Variants in KLHDC10 observed in about 807,000 individuals in gnomAD.
The protein encoded by KLHDC10 is kelch domain-containing protein 10.
A neutral mutation model predicts 56.1 loss-of-function variants in KLHDC10; 24 were observed. That is an observed-to-expected ratio of 0.43 (90% CI 0.31 to 0.60). The LOEUF is 0.60. Among genes scored for constraint, KLHDC10 ranks in the 20% least tolerant of loss-of-function variants. The pLI, the probability that KLHDC10 is intolerant of heterozygous loss-of-function variation, is 0.11. For synonymous variants in KLHDC10, 188 were observed against 207.1 expected, an observed-to-expected ratio of 0.91 and a Z score of 0.79; for missense variants, 349 against 567.0, an observed-to-expected ratio of 0.62 and a Z score of 3.91.
At position 130,130,353 on chromosome 7, in the gene KLHDC10, T is replaced by TATAG. The variant is rs916111517; in HGVS notation, c.1120-183_1120-182insTAGA. Reference sequence around the variant, plus strand: ...AAAAAAAATCATATATATATATATATAGTTTTTCCCTTAGTAATTCATTAA... The same window carrying TATAG: ...AAAAAAAATCATATATATATATATATATAGAGTTTTTCCCTTAGTAATTCATTAA... On this transcript the variant is annotated intron_variant, in intron 9 of 9. Transcript: ENST00000335420. The surrounding 1 kb of genome is among the most constrained non-coding windows in gnomAD (Gnocchi z 4.2). 4.0e-5 allele frequency among the ~76,000 whole-genome samples: 6 copies of TATAG among 150,044 alleles called. No individual in the cohort carries two copies. Among genetic ancestry groups the TATAG allele is most frequent in the African/African-American group, 1.2e-4 (5 of 40,672 alleles).
intron 2 of KLHDC10, among the ~76,000 whole-genome samples, chr7:130,098,784 C>T (rs1488511140): frequency 3.3e-5 from 5 of 151,814 alleles, no homozygotes; most frequent in African/African-American, 9.7e-5. Flanking sequence ...ACATAAAAAA[C>T]AAATAGTGAC....
At chr7:130,094,307 C>T (rs959585647) in intron 1 of KLHDC10, among the ~76,000 whole-genome samples, 13 of 152,198 alleles carry the variant, frequency 8.5e-5, no homozygotes, top group East Asian at 5.8e-4. Context: ...AATCATATAT[C>T]GTAGAATTTA....
At chr7:130,070,929 G>T in intron 1 of KLHDC10, 120 bp downstream of exon 1, 1 of 609,948 alleles carries the variant, frequency 1.6e-6, no homozygotes, top group East Asian at 3.3e-5. Flanking sequence ...GCATAGCAGA[G>T]GGACTGGGGA....
intron 1 of KLHDC10, among the ~76,000 whole-genome samples, chr7:130,071,974 A>G (rs1407794638): frequency 6.6e-6 from 1 of 152,198 alleles, no homozygotes; most frequent in Non-Finnish European, 1.5e-5. Flanking sequence ...AGAAATGTAC[A>G]TTACCCCATT....
At chr7:130,109,368 A>G (rs1429548007) in intron 2 of KLHDC10, among the ~76,000 whole-genome samples, 1 of 151,896 alleles carries the variant, frequency 6.6e-6, no homozygotes, top group Admixed American at 6.6e-5. Context: ...GACTACAGGA[A>G]TGTGCCACCA....
Position 130,120,004 on chromosome 7 carries a change from A to G in KLHDC10, c.476-745A>G, listed in dbSNP as rs1427576855. ...ACAAAAGAGCTACAGGAGGAAGAAC[A>G]CCAAAGTTACCTGCAGGATATTGGT... On this transcript the variant is annotated intron_variant, in intron 3 of 9. Transcript: ENST00000335420. The surrounding 1 kb of genome is among the most constrained non-coding windows in gnomAD (Gnocchi z 5.1). Among the ~76,000 whole-genome samples, 1 of 152,184 alleles carries G rather than the reference A, an allele frequency of 6.6e-6. No homozygotes were observed. Among genetic ancestry groups the G allele is most frequent in the African/African-American group, 2.4e-5 (1 of 41,440 alleles).
intron 1 of KLHDC10, among the ~76,000 whole-genome samples, chr7:130,079,840 C>T (rs1271226973): frequency 3.1e-5 from 4 of 129,732 alleles, no homozygotes; most frequent in African/African-American, 6.0e-5. Context: ...CTCCCTTTCT[C>T]GCTTCCTCCT....
Position 130,130,436 on chromosome 7 carries a change from C to A in KLHDC10, c.1120-101C>A. 1 of 884,922 alleles carries A rather than the reference C, an allele frequency of 1.1e-6. No individual in the cohort carries two copies. The highest frequency in any genetic ancestry group is 1.9e-6 in the Non-Finnish European group (1 of 539,502). The allele number at this position is 884,922 out of a possible 1,614,324, so 54.8% of individuals were successfully genotyped here. ...TGGGATCAGTGAGGAATTCTTGTTT[C>A]ATTTCATTTTGATTCCATCTACTAT... On this transcript the variant is annotated intron_variant, in intron 9 of 9. Coordinates refer to ENST00000335420, the MANE Select transcript of KLHDC10 (RefSeq NM_014997.4). The surrounding 1 kb of genome is among the most constrained non-coding windows in gnomAD (Gnocchi z 4.2).
rs575963957 is a variant in KLHDC10 at position 130,108,430 on chromosome 7, C to T, written c.254-8015C>T. Among the ~76,000 whole-genome samples the T allele has an allele frequency of 4.0e-5, 6 of 151,568 alleles. No homozygotes were observed. In the South Asian group the frequency reaches 8.4e-4, roughly 21 times the overall value. The stretch of plus-strand genomic sequence containing the variant: ...AATTCTCCTGTATCCTGGCCGGGCA[C>T]GGTGGCTCACGCCTGTAATCCCAGC... On this transcript the variant is annotated intron_variant, in intron 2 of 9. Coordinates refer to ENST00000335420, the MANE Select transcript of KLHDC10 (RefSeq NM_014997.4).
intron 2 of KLHDC10, among the ~76,000 whole-genome samples, chr7:130,115,978 G>A (rs973270027): frequency 2.6e-5 from 4 of 151,902 alleles, no homozygotes; most frequent in Non-Finnish European, 4.4e-5. Flanking sequence ...TTGTGTGTGT[G>A]TATTTTTATT....
At chr7:130,085,431 G>A (rs1197074575) in intron 1 of KLHDC10, among the ~76,000 whole-genome samples, 1 of 152,010 alleles carries the variant, frequency 6.6e-6, no homozygotes, top group Non-Finnish European at 1.5e-5. Context: ...AGGTCAGTGA[G>A]GTAGGAGGAA....
chr7:130,081,220 C>T (rs1317835411), intron 1 of KLHDC10, among the ~76,000 whole-genome samples: 6 of 151,726 alleles, frequency 4.0e-5, no homozygotes, highest in African/African-American at 1.2e-4. Context: ...AGGATGGTCT[C>T]GATCTCCTGA....
chr7:130,119,140 T>C (rs1796211339), intron 3 of KLHDC10, among the ~76,000 whole-genome samples: 1 of 150,818 alleles, frequency 6.6e-6, no homozygotes, highest in African/African-American at 2.4e-5. Context: ...GCCCAGGAGT[T>C]CAAGGCTGCA....
intron 2 of KLHDC10, among the ~76,000 whole-genome samples, chr7:130,108,863 C>T (rs1796059457): frequency 6.6e-6 from 1 of 152,108 alleles, no homozygotes; most frequent in African/African-American, 2.4e-5. Flanking sequence ...ACAATACGCA[C>T]ATACATATTT....
intron 2 of KLHDC10, among the ~76,000 whole-genome samples, chr7:130,103,777 G>C (rs1376477527): frequency 6.6e-6 from 1 of 152,062 alleles, no homozygotes; most frequent in Non-Finnish European, 1.5e-5. Flanking sequence ...AAAATTACTT[G>C]AAGATGTACT....
chr7:130,118,005 A>AAC (rs1290372567), intron 3 of KLHDC10, among the ~76,000 whole-genome samples: 4 of 151,848 alleles, frequency 2.6e-5, no homozygotes, highest in African/African-American at 9.7e-5. Context: ...CTCTACAAAA[A>AAC]ACACACACAC....
At chr7:130,090,967 A>G (rs1795764355) in intron 1 of KLHDC10, among the ~76,000 whole-genome samples, 1 of 152,166 alleles carries the variant, frequency 6.6e-6, no homozygotes, top group Non-Finnish European at 1.5e-5. Flanking sequence ...TGTCATTTCA[A>G]GAATGCTATG....
chr7:130,075,951 G>C (rs1795491993), intron 1 of KLHDC10, among the ~76,000 whole-genome samples: 1 of 151,826 alleles, frequency 6.6e-6, no homozygotes, highest in South Asian at 2.1e-4. Context: ...TTTTTCTATT[G>C]GGATGGTTCA....
chr7:130,078,581 C>T (rs918802185), intron 1 of KLHDC10, among the ~76,000 whole-genome samples: 3 of 151,792 alleles, frequency 2.0e-5, no homozygotes, highest in African/African-American at 4.8e-5. Flanking sequence ...TGCAATGCCG[C>T]AGTCTTGGCT....
Sources: allele counts gnomAD v4.1 joint callset (sites outside exome capture counted in the v4.1 genomes callset), GRCh38; gene constraint gnomAD v4.1.1; non-coding constraint Gnocchi (gnomAD v3.1); transcripts MANE v1.5; gene names NCBI Gene and HGNC (gene_info 2026-07-23, HGNC 2026-07-21).